LAMA2: variants seen among roughly 807,000 people sequenced by gnomAD.
LAMA2 encodes the protein laminin subunit alpha-2.
In LAMA2, 269 loss-of-function variants were observed where a neutral mutation model predicts 364.8. The ratio of observed to expected loss-of-function variants is 0.74; its 90% confidence interval spans 0.67 to 0.82. The LOEUF (loss-of-function observed/expected upper bound fraction) is 0.82. LAMA2 is among the 40% of genes least tolerant of loss of function. The pLI, the probability that LAMA2 is intolerant of heterozygous loss-of-function variation, is 0.00. For synonymous variants in LAMA2, 1,379 were observed against 1,370.6 expected, an observed-to-expected ratio of 1.01 and a Z score of -0.14; for missense variants, 3,807 against 3,873.2, an observed-to-expected ratio of 0.98 and a Z score of 0.45.
intron 34 of LAMA2, among the ~76,000 whole-genome samples, chr6:129,374,706 T>C (rs144341048): frequency 2.5e-3 from 386 of 152,014 alleles, no homozygotes; most frequent in African/African-American, 9.1e-3. Context: ...GCCTCCCAAG[T>C]AGCTGGGATT....
intron 12 of LAMA2, among the ~76,000 whole-genome samples, chr6:129,224,126 T>A (rs1730937844): frequency 6.6e-6 from 1 of 152,220 alleles, no homozygotes; most frequent in African/African-American, 2.4e-5. Context: ...AGGAGTTCAC[T>A]CATGATTTGG....
At position 128,935,269 on chromosome 6, in the gene LAMA2, T is replaced by C. The variant is rs960845511; in HGVS notation, c.112+51912T>C. On this transcript the variant is annotated intron_variant, in intron 1 of 64. Transcript: ENST00000421865. Reference sequence around the variant, plus strand: ...TGTAATGTTCCCCTCCCTGTGTCCATGTGTTCTCATTGTTCAACTCCCACT... The same window carrying C: ...TGTAATGTTCCCCTCCCTGTGTCCACGTGTTCTCATTGTTCAACTCCCACT... 6.9e-5 allele frequency among the ~76,000 whole-genome samples: 9 copies of C among 131,240 alleles called. 2 individuals are homozygous for C. The Admixed American group carries it at 7.8e-4, about 11-fold the overall frequency. The allele number at this position is 131,240 out of a possible 152,430, so 86.1% of individuals were successfully genotyped here.
chr6:129,416,958 G>C lies in LAMA2; in HGVS notation c.5866-10794G>C, dbSNP rs79599409. 9.0e-3 allele frequency among the ~76,000 whole-genome samples: 1,373 copies of C among 152,298 alleles called. 27 individuals carry two copies. The highest frequency in any genetic ancestry group is 0.031 in the African/African-American group (1,289 of 41,544). ...ATTGGCTTCCACCACTGGTACCAGG[G>C]AATGCGGTGGCACCCAGGAGCTTGG... On this transcript the variant is annotated intron_variant, in intron 40 of 64. Coordinates refer to ENST00000421865, the MANE Select transcript of LAMA2 (RefSeq NM_000426.4).
At chr6:129,334,224 T>G (rs553962824) in intron 29 of LAMA2, among the ~76,000 whole-genome samples, 7 of 152,222 alleles carry the variant, frequency 4.6e-5, no homozygotes, top group Non-Finnish European at 8.8e-5. Flanking sequence ...GCCCTCTACC[T>G]TGGTATAGTG....
intron 56 of LAMA2, among the ~76,000 whole-genome samples, chr6:129,488,356 A>G (rs1440709760): frequency 1.3e-5 from 2 of 152,202 alleles, no homozygotes; most frequent in African/African-American, 4.8e-5. Context: ...AAGGAATTTC[A>G]ATAAGTAACT....
chr6:129,410,011 T>C (rs180950140), intron 40 of LAMA2, among the ~76,000 whole-genome samples: 21 of 152,234 alleles, frequency 1.4e-4, no homozygotes, highest in Admixed American at 1.3e-3. Flanking sequence ...ATAAGCACAC[T>C]CTCAGTGACA....
chr6:129,210,103 A>G (rs1423950806), intron 12 of LAMA2, among the ~76,000 whole-genome samples: 2 of 151,928 alleles, frequency 1.3e-5, no homozygotes, highest in Non-Finnish European at 2.9e-5. Flanking sequence ...CAGCTCCCCA[A>G]GTGATTATTT....
chr6:129,183,177 A>G lies in LAMA2; in HGVS notation c.1467+5311A>G, dbSNP rs919943330. ...GAATTACAAGAGGCAAGTCAATCTCAGATATATGACAAGTCATTGACTATA... is the reference window on the plus strand; with the variant it reads ...GAATTACAAGAGGCAAGTCAATCTCGGATATATGACAAGTCATTGACTATA... On this transcript the variant is annotated intron_variant, in intron 10 of 64. Coordinates refer to ENST00000421865, the MANE Select transcript of LAMA2 (RefSeq NM_000426.4). 5.3e-5 allele frequency among the ~76,000 whole-genome samples: 8 copies of G among 152,126 alleles called. No individual in the cohort carries two copies. In the East Asian group the frequency reaches 1.5e-3, roughly 29 times the overall value.
At chr6:129,062,355 G>A (rs1183089633) in intron 3 of LAMA2, among the ~76,000 whole-genome samples, 1 of 152,164 alleles carries the variant, frequency 6.6e-6, no homozygotes, top group Non-Finnish European at 1.5e-5. Flanking sequence ...AACATGAATA[G>A]TCTGAATCCA....
intron 11 of LAMA2, among the ~76,000 whole-genome samples, chr6:129,191,913 G>T (rs3778134): frequency 2.0e-5 from 3 of 152,002 alleles, no homozygotes; most frequent in South Asian, 2.1e-4. Flanking sequence ...TTAAATTAGA[G>T]GTGTAGCTGT....
intron 1 of LAMA2, among the ~76,000 whole-genome samples, chr6:129,019,884 G>C (rs2114711713): frequency 6.6e-6 from 1 of 152,248 alleles, no homozygotes; most frequent in East Asian, 1.9e-4. Context: ...AGGAGTTCGA[G>C]ACCAGCCTGG....
chr6:129,294,007 G>A (rs757391076), intron 20 of LAMA2, among the ~76,000 whole-genome samples: 13 of 152,076 alleles, frequency 8.5e-5, no homozygotes, highest in Non-Finnish European at 1.3e-4. Flanking sequence ...GTCTGCTTAC[G>A]TACTCCAAGA....
intron 4 of LAMA2, 131 bp downstream of exon 4, chr6:129,098,546 G>A (rs1231213672): frequency 6.5e-6 from 7 of 1,076,682 alleles, no homozygotes; most frequent in Admixed American, 2.1e-5. Context: ...ACATTTAAAT[G>A]AGTTATTAAA....
At chr6:129,048,493 T>TTTCTTTCTTTCCTTCCTTCC (rs1384475895) in intron 1 of LAMA2, among the ~76,000 whole-genome samples, 1 of 51,356 alleles carries the variant, frequency 1.9e-5, no homozygotes, top group African/African-American at 7.6e-5. Context: ...TCTTTCTTTC[T>TTTCTTTCTTTCCTTCCTTCC]TTCCTTCCTT....
intron 12 of LAMA2, among the ~76,000 whole-genome samples, chr6:129,233,832 G>T (rs188204657): frequency 4.3e-4 from 65 of 152,278 alleles, no homozygotes; most frequent in African/African-American, 1.5e-3. Flanking sequence ...TATGGTATTT[G>T]TCCTTTTTTT....
chr6:129,137,430 A>G (rs1377232454), intron 4 of LAMA2, among the ~76,000 whole-genome samples: 1 of 152,076 alleles, frequency 6.6e-6, no homozygotes, highest in Non-Finnish European at 1.5e-5. Flanking sequence ...TGGCTCTGCT[A>G]GTATACTAAA....
chr6:129,055,176 T>TTTATTATTATTATTTATTATTA (rs1554207590), intron 2 of LAMA2, among the ~76,000 whole-genome samples: 70 of 123,756 alleles, frequency 5.7e-4, no homozygotes, highest in African/African-American at 2.3e-3. Context: ...ATTATTATTA[T>TTTATTATTATTATTTATTATTA]TTATTATTAT....
At chr6:129,054,358 T>C (rs973974674) in intron 2 of LAMA2, among the ~76,000 whole-genome samples, 1 of 152,136 alleles carries the variant, frequency 6.6e-6, no homozygotes, top group Non-Finnish European at 1.5e-5. Flanking sequence ...GGTCAGAAAG[T>C]AAATGAATTG....
At chr6:128,916,045 T>A (rs2114471942) in intron 1 of LAMA2, among the ~76,000 whole-genome samples, 1 of 152,316 alleles carries the variant, frequency 6.6e-6, no homozygotes, top group African/African-American at 2.4e-5. Flanking sequence ...TGCCTAATTA[T>A]TTACATGTTG....
Sources: gnomAD v4.1 joint callset for allele counts (sites outside exome capture counted in the v4.1 genomes callset) on GRCh38, gnomAD v4.1.1 for gene constraint, MANE v1.5 for transcripts, NCBI Gene and HGNC (gene_info 2026-07-23, HGNC 2026-07-21) for gene names.